Variants in NFATC3 observed in about 807,000 individuals in gnomAD.
NFATC3 encodes nuclear factor of activated T-cells, cytoplasmic 3.
In NFATC3, 46 loss-of-function variants were observed where a neutral mutation model predicts 98.6. The ratio of observed to expected loss-of-function variants is 0.47; its 90% CI spans 0.37 to 0.60. The LOEUF (loss-of-function observed/expected upper bound fraction) is 0.60, where lower values mean the gene tolerates loss of function less well. Ranked by LOEUF, NFATC3 falls within the 20% of genes least tolerant of loss-of-function variation. NFATC3 has a pLI of 0.00. For missense variants in NFATC3, 1,256 were observed against 1,295.5 expected (o/e 0.97, Z 0.47); for synonymous variants, 512 against 472.2 (o/e 1.08, Z -1.09).
chr16:68,102,858 A>G (rs1207566815), intron 1 of NFATC3, among the ~76,000 whole-genome samples: 1 of 151,810 alleles, frequency 6.6e-6, no homozygotes. Flanking sequence ...CCACACTAAC[A>G]CTTGTTTTCT....
chr16:68,135,101 C>T (rs1481435369), intron 3 of NFATC3, among the ~76,000 whole-genome samples: 1 of 151,652 alleles, frequency 6.6e-6, no homozygotes, highest in Non-Finnish European at 1.5e-5. Context: ...GTGTTGGTGG[C>T]GGGGGACTTC....
intron 5 of NFATC3, among the ~76,000 whole-genome samples, chr16:68,167,725 G>A (rs951669677): frequency 4.8e-4 from 70 of 145,414 alleles, no homozygotes; most frequent in Middle Eastern, 7.1e-3. Context: ...TTGCTTTTTA[G>A]TGATAGAGCT....
At chr16:68,144,293 AGGAT>A (rs779418595) in intron 3 of NFATC3, among the ~76,000 whole-genome samples, 1 of 152,202 alleles carries the variant, frequency 6.6e-6, no homozygotes, top group Non-Finnish European at 1.5e-5. Context: ...ACTGTTGTCA[AGGAT>A]GCACAGAAAC....
At chr16:68,143,283 A>C (rs1471403944) in intron 3 of NFATC3, among the ~76,000 whole-genome samples, 3 of 151,992 alleles carry the variant, frequency 2.0e-5, no homozygotes, top group Non-Finnish European at 4.4e-5. Context: ...TTATCTAAAA[A>C]TATTAGCATT....
chr16:68,214,303 T>C, intron 9 of NFATC3: 1 of 1,573,888 alleles, frequency 6.4e-7, no homozygotes, highest in South Asian at 1.1e-5. Flanking sequence ...TTCCATTCAG[T>C]AGTGATGTTG....
chr16:68,217,037 T>C (rs1393153545), intron 9 of NFATC3, among the ~76,000 whole-genome samples: 1 of 152,210 alleles, frequency 6.6e-6, no homozygotes, highest in African/African-American at 2.4e-5. Flanking sequence ...ATTTTTAATC[T>C]GTTCAATGGT....
In NFATC3 at chr16:68,085,620, C is replaced by A. The variant is rs1290956842; in HGVS notation, c.-62C>A. 6 of 1,413,632 alleles carry A rather than the reference C, an allele frequency of 4.2e-6. No homozygotes were observed. The highest frequency in any genetic ancestry group is 3.0e-5 in the African/African-American group (2 of 66,250). The allele number at this position is 1,413,632 out of a possible 1,614,324, so 87.6% of individuals were successfully genotyped here. A position where few individuals can be genotyped will look rare whatever the true frequency, so the allele number is the denominator to read the frequency against. The stretch of plus-strand genomic sequence containing the variant: ...TGAAGCGGCGTTGAGGAGCTGCTGC[C>A]GCCGCTTGCCGCTGCCGCCGCCGCC... On this transcript the variant is annotated 5_prime_UTR_variant, in exon 1 of 10. Coordinates refer to ENST00000346183, the MANE Select transcript of NFATC3 (RefSeq NM_173165.3).
intron 1 of NFATC3, among the ~76,000 whole-genome samples, chr16:68,118,517 G>A (rs2036407297): frequency 6.6e-6 from 1 of 152,130 alleles, no homozygotes; most frequent in African/African-American, 2.4e-5. Context: ...TTTCACTGAT[G>A]TCTCTTCTAA....
At chr16:68,204,764 T>C (rs916892288) in intron 9 of NFATC3, among the ~76,000 whole-genome samples, 2 of 152,220 alleles carry the variant, frequency 1.3e-5, no homozygotes, top group African/African-American at 4.8e-5. Flanking sequence ...AAAATTGATA[T>C]CCTTTTTTTG....
chr16:68,105,063 TTTTC>T (rs2035581256), intron 1 of NFATC3, among the ~76,000 whole-genome samples: 2 of 151,924 alleles, frequency 1.3e-5, no homozygotes, highest in Non-Finnish European at 2.9e-5. Flanking sequence ...GTCAAATGCT[TTTTC>T]TGTCAGTTGA....
In NFATC3 at chr16:68,227,350, G is replaced by C. The variant is rs768631740; in HGVS notation, c.*879G>C. The C allele has an allele frequency of 6.6e-6, 1 of 152,156 alleles. No homozygotes were observed. The highest frequency in any genetic ancestry group is 2.4e-5 in the African/African-American group (1 of 41,422). 9.4% of individuals were successfully genotyped at this position (152,156 alleles called of 1,614,324 possible). A position where few individuals can be genotyped will look rare whatever the true frequency, so the allele number is the denominator to read the frequency against. ...CGCTTCCTGTTTGTGTCATCTGGTCGTAGAACCTTTTCCAAACAGAAGCAT... is the reference window on the plus strand; with the variant it reads ...CGCTTCCTGTTTGTGTCATCTGGTCCTAGAACCTTTTCCAAACAGAAGCAT... On this transcript the variant is annotated 3_prime_UTR_variant, in exon 10 of 10. Transcript: ENST00000346183.
chr16:68,190,957 A>G lies in NFATC3; in HGVS notation c.2288A>G (p.His763Arg), dbSNP rs756941312. 17 of 1,614,130 alleles carry G rather than the reference A, an allele frequency of 1.1e-5. No individual in the cohort carries two copies. The highest frequency in any genetic ancestry group is 1.4e-5 in the Non-Finnish European group (16 of 1,180,058). Residue 763 changes from histidine (H) to arginine (R), a missense_variant, in exon 9 of 10, where the codon CAT becomes CGT. His to Arg is a conservative substitution (Grantham distance 29). Coordinates refer to ENST00000346183, the MANE Select transcript of NFATC3 (RefSeq NM_173165.3). ...TATGCATCCATGGTGACCTCATCCC[A>G]TCTGCCACAGTTGCAGTGTAGAGAT... ...QTYASMVTSSHLPQLQCRDES... is the reference protein window; with the variant it reads ...QTYASMVTSSRLPQLQCRDES...
intron 1 of NFATC3, among the ~76,000 whole-genome samples, chr16:68,115,779 A>G (rs866393999): frequency 7.9e-5 from 12 of 151,160 alleles, no homozygotes; most frequent in African/African-American, 2.7e-4. Flanking sequence ...TTTTCCTGTG[A>G]GTTGGGAGTA....
intron 5 of NFATC3, among the ~76,000 whole-genome samples, chr16:68,167,976 G>A (rs1251873265): frequency 1.3e-5 from 2 of 151,096 alleles, no homozygotes; most frequent in African/African-American, 4.9e-5. Context: ...GGGATTACAG[G>A]CACCCGCCAC....
intron 3 of NFATC3, among the ~76,000 whole-genome samples, chr16:68,128,242 A>G (rs2036942058): frequency 6.6e-6 from 1 of 152,104 alleles, no homozygotes; most frequent in Admixed American, 6.5e-5. Flanking sequence ...CATCTCTTTT[A>G]TGAGCTATGC....
intron 9 of NFATC3, among the ~76,000 whole-genome samples, chr16:68,196,418 G>C (rs2040673387): frequency 6.6e-6 from 1 of 152,154 alleles, no homozygotes; most frequent in African/African-American, 2.4e-5. Flanking sequence ...ACCATGCCCA[G>C]CCTAAAATGA....
chr16:68,177,032 C>CTTT (rs548092276), intron 6 of NFATC3, among the ~76,000 whole-genome samples: 11 of 133,108 alleles, frequency 8.3e-5, no homozygotes, highest in South Asian at 2.4e-4. Flanking sequence ...CTTTTCTTTT[C>CTTT]TTTTTTTTTT....
intron 1 of NFATC3, among the ~76,000 whole-genome samples, chr16:68,100,359 G>A (rs2035277700): frequency 6.6e-6 from 1 of 152,066 alleles, no homozygotes; most frequent in Non-Finnish European, 1.5e-5. Flanking sequence ...GATCACTTGA[G>A]GCCAGGGGTT....
intron 5 of NFATC3, among the ~76,000 whole-genome samples, chr16:68,171,665 G>A (rs537007652): frequency 8.9e-4 from 136 of 152,072 alleles, no homozygotes; most frequent in African/African-American, 3.2e-3. Context: ...AATAAAGATG[G>A]GGTTTCACCA....
Sources: gnomAD v4.1 joint callset for allele counts (sites outside exome capture counted in the v4.1 genomes callset) on GRCh38, gnomAD v4.1.1 for gene constraint, MANE v1.5 for transcripts, NCBI Gene and HGNC (gene_info 2026-07-23, HGNC 2026-07-21) for gene names.